Variants in STX18 observed in about 807,000 individuals in gnomAD.
The protein encoded by STX18 is syntaxin 18.
A neutral mutation model predicts 50.1 loss-of-function variants in STX18; 40 were observed. The observed-to-expected ratio is 0.80, with a 90% CI of 0.62 to 1.04. STX18 has a LOEUF of 1.04. STX18 is among the 50% of genes least tolerant of loss of function. The pLI is 0.00. For missense variants in STX18, 410 were observed against 415.8 expected (o/e 0.99, Z 0.12); for synonymous variants, 158 against 151.8 (o/e 1.04, Z -0.30).
chr4:4,539,788 A>G (rs986411855), intron 1 of STX18, among the ~76,000 whole-genome samples: 1 of 146,094 alleles, frequency 6.8e-6, no homozygotes, highest in African/African-American at 2.7e-5. Context: ...CCTGAGGCCC[A>G]TTAACTCAAA....
chr4:4,424,165 G>C (rs1231890032), intron 8 of STX18, among the ~76,000 whole-genome samples: 2 of 152,124 alleles, frequency 1.3e-5, no homozygotes, highest in Non-Finnish European at 2.9e-5. Context: ...TGAAACACTT[G>C]GGCTAGCCAT....
At chr4:4,459,049 AACAC>A (rs1054012083) in intron 3 of STX18, among the ~76,000 whole-genome samples, 9 of 121,900 alleles carry the variant, frequency 7.4e-5, no homozygotes, top group Non-Finnish European at 1.0e-4. Context: ...TGCCACACAG[AACAC>A]ACACACACGC....
chr4:4,455,001 G>T lies in STX18; in HGVS notation c.497+2190C>A, dbSNP rs1413542084. On this transcript the variant is annotated intron_variant, in intron 5 of 10. Coordinates refer to ENST00000306200, the MANE Select transcript of STX18 (RefSeq NM_016930.4). ...GTTCTCACAACAGCACTACAAGTTA[G>T]GTACTATGAGTTTTCCCATTTTATA... 1.8e-4 allele frequency among the ~76,000 whole-genome samples: 27 copies of T among 152,136 alleles called. 1 individual carries two copies. Among genetic ancestry groups the T allele is most frequent in the Admixed American group, 1.8e-3 (27 of 15,272 alleles).
chr4:4,504,569 CAT>C (rs2108882920), intron 1 of STX18, among the ~76,000 whole-genome samples: 1 of 152,110 alleles, frequency 6.6e-6, no homozygotes, highest in East Asian at 1.9e-4. Flanking sequence ...AAATTATACA[CAT>C]GACAAAGGAC....
intron 1 of STX18, among the ~76,000 whole-genome samples, chr4:4,478,297 T>C (rs11728390): frequency 0.33 from 50,396 of 151,336 alleles, 12,028 homozygotes; most frequent in African/African-American, 0.68. Context: ...CTGTTCCTTG[T>C]GTTTTACGAC....
chr4:4,513,009 A>G (rs950733825), intron 1 of STX18, among the ~76,000 whole-genome samples: 1 of 152,186 alleles, frequency 6.6e-6, no homozygotes, highest in Admixed American at 6.5e-5. Flanking sequence ...GTTCAAGAAT[A>G]AAATCCAGGA....
At chr4:4,438,667 C>T (rs1725921721) in intron 5 of STX18, among the ~76,000 whole-genome samples, 158 bp from the exon 6 acceptor site, 1 of 152,092 alleles carries the variant, frequency 6.6e-6, no homozygotes, top group Admixed American at 6.5e-5. Flanking sequence ...GGACACACCT[C>T]CACTGGGGCA....
chr4:4,458,210 T>G (rs753788997), intron 3 of STX18, among the ~76,000 whole-genome samples: 27 of 152,348 alleles, frequency 1.8e-4, no homozygotes, highest in Non-Finnish European at 3.4e-4. Context: ...AAACTAAGGT[T>G]CAGAGGCAAT....
chr4:4,436,090 T>C (rs1051696668), intron 6 of STX18, among the ~76,000 whole-genome samples: 1 of 152,172 alleles, frequency 6.6e-6, no homozygotes, highest in Admixed American at 6.5e-5. Flanking sequence ...CTCAGCCCCA[T>C]GAGATGGCAA....
chr4:4,510,692 ACAC>A (rs1729958005), intron 1 of STX18, among the ~76,000 whole-genome samples: 1 of 152,212 alleles, frequency 6.6e-6, no homozygotes, highest in South Asian at 2.1e-4. Context: ...TACTATAAAG[ACAC>A]ATGCACATGT....
intron 1 of STX18, chr4:4,507,543 A>G: frequency 1.3e-6 from 1 of 771,064 alleles, no homozygotes; most frequent in African/African-American, 1.7e-5. Context: ...AAAATAAGCA[A>G]AAGCGTCCCA....
chr4:4,427,131 C>T (rs1277631261), intron 7 of STX18, among the ~76,000 whole-genome samples: 1 of 152,200 alleles, frequency 6.6e-6, no homozygotes, highest in East Asian at 1.9e-4. Context: ...GGACACTGAG[C>T]CCAGCCCAGG....
At chr4:4,531,741 C>T (rs927074898) in intron 1 of STX18, among the ~76,000 whole-genome samples, 1 of 152,208 alleles carries the variant, frequency 6.6e-6, no homozygotes. Flanking sequence ...TTTTTCTATA[C>T]TCATCCAGAA....
intron 1 of STX18, among the ~76,000 whole-genome samples, chr4:4,472,229 G>T (rs1219427527): frequency 6.6e-6 from 1 of 152,144 alleles, no homozygotes; most frequent in Non-Finnish European, 1.5e-5. Context: ...TGAAGAAAAA[G>T]AACTCAAAGA....
intron 1 of STX18, among the ~76,000 whole-genome samples, chr4:4,539,906 C>A (rs373128793): frequency 6.6e-6 from 1 of 152,186 alleles, no homozygotes; most frequent in African/African-American, 2.4e-5. Flanking sequence ...CCCAAATCCC[C>A]CCTTTCCCTG....
chr4:4,475,048 G>T (rs1029840798), intron 1 of STX18, among the ~76,000 whole-genome samples: 5 of 152,168 alleles, frequency 3.3e-5, no homozygotes, highest in African/African-American at 9.7e-5. Flanking sequence ...CTACTGTACA[G>T]GTTAGATCCA....
At position 4,420,342 on chromosome 4, in the gene STX18, C is replaced by T. The variant is rs1307691356; in HGVS notation, c.913-213G>A. The T allele has an allele frequency of 1.1e-5, 6 of 546,428 alleles. No homozygotes were observed. The African/African-American group carries it at 1.1e-4, about 10-fold the overall frequency. The allele number at this position is 546,428 out of a possible 1,614,324, so 33.8% of individuals were successfully genotyped here. ...CTGTTTGGCCATCATTTGGGTCCTG[C>T]ACAATTCTCCCTCAACACAACTCTC... On this transcript the variant is annotated intron_variant, in intron 10 of 10. Transcript: ENST00000306200. The surrounding 1 kb of genome is among the most constrained non-coding windows in gnomAD (Gnocchi z 4.3).
intron 6 of STX18, among the ~76,000 whole-genome samples, chr4:4,435,906 AG>A (rs1725750425): frequency 6.6e-6 from 1 of 152,160 alleles, no homozygotes; most frequent in South Asian, 2.1e-4. Context: ...TCACCGGGGT[AG>A]GGTTGGGAGC....
intron 5 of STX18, among the ~76,000 whole-genome samples, chr4:4,443,476 T>G (rs1402244629): frequency 6.6e-6 from 1 of 152,234 alleles, no homozygotes; most frequent in Non-Finnish European, 1.5e-5. Context: ...GTGTTTTCCC[T>G]AGGATGAGGA....
Sources: allele counts gnomAD v4.1 joint callset (sites outside exome capture counted in the v4.1 genomes callset), GRCh38; gene constraint gnomAD v4.1.1; non-coding constraint Gnocchi (gnomAD v3.1); transcripts MANE v1.5; gene names NCBI Gene and HGNC (gene_info 2026-07-23, HGNC 2026-07-21).